Variants in CD38 observed in about 807,000 individuals in gnomAD.
The protein encoded by CD38 is ADP-ribosyl cyclase/cyclic ADP-ribose hydrolase 1.
In CD38, 31 loss-of-function variants were observed where a neutral mutation model predicts 36.3. That is an observed-to-expected ratio of 0.85 (90% CI 0.64 to 1.15). CD38 has a LOEUF of 1.15. Among genes scored for constraint, CD38 ranks in the 50% most tolerant of loss-of-function variants. CD38 has a pLI of 0.00. For missense variants in CD38, 380 were observed against 371.9 expected (o/e 1.02, Z -0.18); for synonymous variants, 131 against 135.2 (o/e 0.97, Z 0.22).
At chr4:15,806,191 G>A (rs969393415) in intron 1 of CD38, among the ~76,000 whole-genome samples, 6 of 152,138 alleles carry the variant, frequency 3.9e-5, no homozygotes, top group African/African-American at 9.7e-5. Context: ...TTCCTGCCCC[G>A]TGCCCTCTTA....
intron 7 of CD38, among the ~76,000 whole-genome samples, chr4:15,847,835 G>A (rs2148929966): frequency 6.6e-6 from 1 of 152,226 alleles, no homozygotes; most frequent in Non-Finnish European, 1.5e-5. Context: ...CCTCATTTGT[G>A]TCTGCTTTAG....
In CD38 at chr4:15,816,506, C is replaced by G. The variant is rs780994779; in HGVS notation, c.234-5C>G. On this transcript the variant is annotated splice_region_variant and splice_polypyrimidine_tract_variant and intron_variant, in intron 1 of 7. Transcript: ENST00000226279. ...TTATGTTTTATTTTCTGTGTTTTAT[C>G]TCAGACATGTAGACTGCCAAAGTGT... 5.0e-6 allele frequency: 8 copies of G among 1,588,488 alleles called. No homozygotes were observed. Among genetic ancestry groups the G allele is most frequent in the Non-Finnish European group, 6.9e-6 (8 of 1,166,942 alleles).
intron 3 of CD38, among the ~76,000 whole-genome samples, chr4:15,831,299 C>A (rs967770643): frequency 2.6e-5 from 4 of 152,236 alleles, no homozygotes; most frequent in Admixed American, 2.6e-4. Context: ...CTACTTAAGA[C>A]AAGAGTAGTT....
At chr4:15,830,146 T>C (rs1723930498) in intron 3 of CD38, among the ~76,000 whole-genome samples, 1 of 152,184 alleles carries the variant, frequency 6.6e-6, no homozygotes, top group South Asian at 2.1e-4. Flanking sequence ...GCTCTATTTT[T>C]ATTTTTTTGA....
intron 2 of CD38, among the ~76,000 whole-genome samples, chr4:15,823,175 T>A (rs1723777014): frequency 6.6e-6 from 1 of 152,104 alleles, no homozygotes; most frequent in African/African-American, 2.4e-5. Flanking sequence ...CATACAAAAA[T>A]TAAGATGAAT....
chr4:15,784,592 G>A (rs1722770573), intron 1 of CD38, among the ~76,000 whole-genome samples: 2 of 152,154 alleles, frequency 1.3e-5, no homozygotes, highest in Admixed American at 1.3e-4. Flanking sequence ...ATTCCAGCAT[G>A]TTTTTCCCCT....
chr4:15,819,444 G>A (rs1370466740), intron 2 of CD38, among the ~76,000 whole-genome samples: 1 of 151,192 alleles, frequency 6.6e-6, no homozygotes, highest in African/African-American at 2.4e-5. Context: ...GCATAATAAT[G>A]AAATTCACTG....
intron 1 of CD38, among the ~76,000 whole-genome samples, chr4:15,787,276 A>G (rs1048331621): frequency 1.6e-4 from 24 of 152,352 alleles, no homozygotes; most frequent in African/African-American, 5.3e-4. Context: ...GGTTGGGGAA[A>G]TGGACCCTGA....
chr4:15,804,462 T>C lies in CD38; in HGVS notation c.234-12049T>C, dbSNP rs1344186867. On this transcript the variant is annotated intron_variant, in intron 1 of 7. Coordinates refer to ENST00000226279, the MANE Select transcript of CD38 (RefSeq NM_001775.4). ...AAAATAAAATCATATGTCGAAGAGATACCTGCACTCCCATCTTTACTGTAG... is the reference window on the plus strand; with the variant it reads ...AAAATAAAATCATATGTCGAAGAGACACCTGCACTCCCATCTTTACTGTAG... Among the ~76,000 whole-genome samples, 3 of 152,214 alleles carry C rather than the reference T, an allele frequency of 2.0e-5. No homozygotes were observed. The East Asian group carries it at 5.8e-4, about 29-fold the overall frequency.
intron 1 of CD38, among the ~76,000 whole-genome samples, chr4:15,787,470 T>G (rs930680637): frequency 6.6e-6 from 1 of 152,222 alleles, no homozygotes; most frequent in African/African-American, 2.4e-5. Flanking sequence ...TTGAGCCCTC[T>G]TGGGCACAGG....
At chr4:15,813,440 A>T (rs73114408) in intron 1 of CD38, among the ~76,000 whole-genome samples, 2,889 of 151,992 alleles carry the variant, frequency 0.019, 88 homozygotes, top group African/African-American at 0.066. Context: ...ATTTTTTTTT[A>T]AATTTTACTT....
At chr4:15,805,804 C>T (rs1323672516) in intron 1 of CD38, among the ~76,000 whole-genome samples, 1 of 152,222 alleles carries the variant, frequency 6.6e-6, no homozygotes, top group East Asian at 1.9e-4. Flanking sequence ...CACAAGGTGG[C>T]AGTCTTTACC....
intron 1 of CD38, among the ~76,000 whole-genome samples, chr4:15,807,127 C>G (rs999470201): frequency 1.3e-5 from 2 of 152,068 alleles, no homozygotes. Flanking sequence ...GAGGGTGGGG[C>G]AGGTTTTATC....
At chr4:15,827,053 A>C (rs1479032376) in intron 3 of CD38, among the ~76,000 whole-genome samples, 1 of 152,214 alleles carries the variant, frequency 6.6e-6, no homozygotes, top group Non-Finnish European at 1.5e-5. Context: ...ACAAAGTGCC[A>C]GTGTTCCATG....
chr4:15,780,538 A>ACACACACACACACACG (rs1560303848), intron 1 of CD38, among the ~76,000 whole-genome samples: 2 of 150,826 alleles, frequency 1.3e-5, no homozygotes, highest in Admixed American at 6.6e-5. Context: ...ACACACACAC[A>ACACACACACACACACG]CACACACACA....
chr4:15,799,067 A>G (rs920426792), intron 1 of CD38, among the ~76,000 whole-genome samples: 3 of 152,196 alleles, frequency 2.0e-5, no homozygotes, highest in African/African-American at 7.2e-5. Flanking sequence ...TGCCTTTTGT[A>G]TCTTATTTAA....
At chr4:15,788,364 AG>A (rs1300986646) in intron 1 of CD38, among the ~76,000 whole-genome samples, 4 of 152,298 alleles carry the variant, frequency 2.6e-5, no homozygotes, top group African/African-American at 9.6e-5. Flanking sequence ...GTTGTTTGTC[AG>A]CCGAAACAGG....
chr4:15,785,207 G>C, intron 1 of CD38, among the ~76,000 whole-genome samples: 1 of 152,164 alleles, frequency 6.6e-6, no homozygotes, highest in African/African-American at 2.4e-5. Context: ...GAAGGGTAGA[G>C]TGGAGTACTT....
At chr4:15,799,794 G>A (rs565873127) in intron 1 of CD38, among the ~76,000 whole-genome samples, 1 of 152,150 alleles carries the variant, frequency 6.6e-6, no homozygotes, top group Non-Finnish European at 1.5e-5. Flanking sequence ...TTAGCCTCAT[G>A]CATCTCAGGG....
Sources: gnomAD v4.1 joint callset for allele counts (sites outside exome capture counted in the v4.1 genomes callset) on GRCh38, gnomAD v4.1.1 for gene constraint, MANE v1.5 for transcripts, NCBI Gene and HGNC (gene_info 2026-07-23, HGNC 2026-07-21) for gene names.